MRPS6: variants seen among roughly 807,000 people sequenced by gnomAD.
MRPS6 encodes the protein small ribosomal subunit protein bS6m.
MRPS6 carries 6 observed loss-of-function variants against 13.1 expected under a neutral mutation model. The observed-to-expected ratio is 0.46, with a 90% CI of 0.25 to 0.91. The LOEUF is 0.91. Among genes scored for constraint, MRPS6 ranks in the 40% least tolerant of loss-of-function variants. The probability of loss-of-function intolerance (pLI) is 0.18; values close to 1 mark genes in which losing one functional copy is unlikely to be tolerated. For synonymous variants in MRPS6, 61 were observed against 56.5 expected (o/e 1.08, Z -0.36); for missense variants, 164 against 155.6 (o/e 1.05, Z -0.29).
intron 1 of MRPS6, among the ~76,000 whole-genome samples, chr21:34,076,145 T>C (rs1294952990): frequency 6.6e-6 from 1 of 152,216 alleles, no homozygotes; most frequent in East Asian, 1.9e-4. Context: ...TAACAGCGGA[T>C]ATGGAAGTTA....
rs1353963977 is a variant in MRPS6 at position 34,081,884 on chromosome 21, A to G, written c.45+8139A>G. Among the ~76,000 whole-genome samples, 3 of 152,156 alleles carry G rather than the reference A, an allele frequency of 2.0e-5. No individual in the cohort carries two copies. In the East Asian group the frequency reaches 5.8e-4, roughly 29 times the overall value. The stretch of plus-strand genomic sequence containing the variant: ...TTATTTCATCAGAATCCCAAACTAG[A>G]TCAAAGCTGAAATACAGTTCTTGTT... On this transcript the variant is annotated intron_variant, in intron 1 of 2. Coordinates refer to ENST00000399312, the MANE Select transcript of MRPS6 (RefSeq NM_032476.4).
chr21:34,116,373 GTTACATTAATAAGT>G (rs1569422092), intron 1 of MRPS6, among the ~76,000 whole-genome samples: 1 of 149,272 alleles, frequency 6.7e-6, no homozygotes, highest in Admixed American at 6.7e-5. Context: ...GTGGTGTTTG[GTTACATTAATAAGT>G]TCTTTAGTGG....
At chr21:34,122,388 G>C (rs765711632) in intron 1 of MRPS6, 3 of 152,134 alleles carry the variant, frequency 2.0e-5, no homozygotes, top group Non-Finnish European at 4.4e-5. Flanking sequence ...ACTTCTGGGT[G>C]TTTTGAAATT....
chr21:34,098,653 A>G, intron 1 of MRPS6: 5 of 1,000,278 alleles, frequency 5.0e-6, no homozygotes, highest in Non-Finnish European at 6.0e-6. Context: ...GAGGTGCCAA[A>G]CAAGAACTTT....
chr21:34,105,447 G>A (rs1602941469), intron 1 of MRPS6: 1 of 998,636 alleles, frequency 1.0e-6, no homozygotes, highest in East Asian at 1.1e-4. Flanking sequence ...TAAGCCAAAT[G>A]TCAGCAGAGT....
chr21:34,103,709 A>G (rs1979351159), intron 1 of MRPS6: 1 of 1,000,182 alleles, frequency 1.0e-6, no homozygotes, highest in East Asian at 1.1e-4. Context: ...TACAGTATTG[A>G]TAAGCCCAAG....
chr21:34,103,280 T>C, intron 1 of MRPS6: 2 of 997,250 alleles, frequency 2.0e-6, no homozygotes, highest in Non-Finnish European at 2.4e-6. Context: ...GTATTTGTTA[T>C]TCCTCTTAAA....
In MRPS6 at chr21:34,115,823, GA is replaced by G. The variant is rs926513516; in HGVS notation, c.46-9509del. Reference sequence around the variant, plus strand: ...GCTCATCGTAAATCAGAGTGTAAAAGAAAAAAAAATGGAATACTCCACTTGT... The same window carrying G: ...GCTCATCGTAAATCAGAGTGTAAAAGAAAAAAAATGGAATACTCCACTTGT... On this transcript the variant is annotated intron_variant, in intron 1 of 2. Coordinates refer to ENST00000399312, the MANE Select transcript of MRPS6 (RefSeq NM_032476.4). Among the ~76,000 whole-genome samples, 1,146 of 147,472 alleles carry G rather than the reference GA, an allele frequency of 7.8e-3. 14 individuals carry two copies. The highest frequency in any genetic ancestry group is 0.027 in the African/African-American group (1,095 of 40,172).
chr21:34,110,784 G>A (rs1979665759), intron 1 of MRPS6, among the ~76,000 whole-genome samples: 3 of 152,154 alleles, frequency 2.0e-5, no homozygotes. Context: ...TCTGTTTAAA[G>A]ACAACATAGT....
At chr21:34,086,511 TTGTGTTTG>T (rs1227742558) in intron 1 of MRPS6, among the ~76,000 whole-genome samples, 7 of 95,686 alleles carry the variant, frequency 7.3e-5, no homozygotes, top group Admixed American at 3.9e-4. Context: ...TATTTCTAGT[TTGTGTTTG>T]TGTGTGTGTG....
At chr21:34,138,371 A>G (rs960513764) in intron 2 of MRPS6, among the ~76,000 whole-genome samples, 32 of 152,118 alleles carry the variant, frequency 2.1e-4, no homozygotes, top group Non-Finnish European at 3.5e-4. Context: ...GTTTTCTTCT[A>G]GGGTTTTTAT....
intron 1 of MRPS6, among the ~76,000 whole-genome samples, chr21:34,080,102 A>AG (rs774945389): frequency 6.6e-6 from 1 of 152,110 alleles, no homozygotes; most frequent in African/African-American, 2.4e-5. Flanking sequence ...CATACTACTG[A>AG]GGGGAGGATA....
At chr21:34,101,518 A>C (rs1455116659) in intron 1 of MRPS6, 1 of 1,000,038 alleles carries the variant, frequency 1.0e-6, no homozygotes, top group Admixed American at 6.2e-5. Flanking sequence ...ATCTGTTTCT[A>C]TATGTGTATA....
At chr21:34,076,217 T>C (rs1989327589) in intron 1 of MRPS6, among the ~76,000 whole-genome samples, 1 of 152,242 alleles carries the variant, frequency 6.6e-6, no homozygotes, top group South Asian at 2.1e-4. Flanking sequence ...TTCTCCGCAG[T>C]ACTCAGCCTG....
rs755981553 is a variant in MRPS6, at chr21:34,142,402, T to A, written c.186-6T>A. ...CAGACACTCACAAGTTTTTATTTTA[T>A]TGCAGGTATTTCTTGGTGGATTTTT... On this transcript the variant is annotated splice_polypyrimidine_tract_variant and splice_region_variant and intron_variant, in intron 2 of 2. Coordinates refer to ENST00000399312, the MANE Select transcript of MRPS6 (RefSeq NM_032476.4). 6.4e-7 allele frequency: 1 copy of A among 1,560,200 alleles called. No homozygotes were observed. The highest frequency in any genetic ancestry group is 1.2e-5 in the South Asian group (1 of 82,384).
At chr21:34,106,028 G>C in intron 1 of MRPS6, 1 of 995,880 alleles carries the variant, frequency 1.0e-6, no homozygotes, top group Non-Finnish European at 1.2e-6. Context: ...ATCTGCTAAA[G>C]AGCTGTCAGT....
intron 1 of MRPS6, chr21:34,099,610 T>C (rs1405810252): frequency 1.0e-6 from 1 of 999,518 alleles, no homozygotes; most frequent in Non-Finnish European, 1.2e-6. Context: ...GTGATTTTTT[T>C]TTTCTCCCTT....
chr21:34,112,960 C>CAGGCTGGCCAACATG (rs1237229659), intron 1 of MRPS6, among the ~76,000 whole-genome samples: 2 of 152,014 alleles, frequency 1.3e-5, no homozygotes, highest in Non-Finnish European at 2.9e-5. Flanking sequence ...AGTTTGAGAC[C>CAGGCTGGCCAACATG]AGGCTGGCCA....
chr21:34,087,556 T>C (rs1437845541), intron 1 of MRPS6, among the ~76,000 whole-genome samples: 1 of 152,140 alleles, frequency 6.6e-6, no homozygotes, highest in Non-Finnish European at 1.5e-5. Flanking sequence ...TTGAGTACTA[T>C]GGATAAATAC....
Sources: allele counts gnomAD v4.1 joint callset (sites outside exome capture counted in the v4.1 genomes callset), GRCh38; gene constraint gnomAD v4.1.1; transcripts MANE v1.5; gene names NCBI Gene and HGNC (gene_info 2026-07-23, HGNC 2026-07-21).